The following POLN variants were observed in gnomAD, a reference collection of about 807,000 sequenced individuals.
POLN encodes the protein DNA polymerase N.
In POLN, 108 loss-of-function variants were observed where a neutral mutation model predicts 113.5. The observed-to-expected ratio is 0.95, with a 90% CI of 0.81 to 1.12. POLN has a LOEUF of 1.12. POLN is among the 50% of genes most tolerant of loss of function. The pLI is 0.00. For synonymous variants in POLN, 386 were observed against 391.5 expected (o/e 0.99, Z 0.17); for missense variants, 1,097 against 1,077.1 (o/e 1.02, Z -0.26).
At chr4:2,122,839 T>C (rs1450542842) in intron 19 of POLN, among the ~76,000 whole-genome samples, 1 of 152,114 alleles carries the variant, frequency 6.6e-6, no homozygotes, top group East Asian at 1.9e-4. Flanking sequence ...AGGAGAAATT[T>C]AAATGTATGT....
intron 7 of POLN, among the ~76,000 whole-genome samples, chr4:2,188,593 T>C (rs1180034300): frequency 2.0e-5 from 3 of 150,042 alleles, no homozygotes; most frequent in Non-Finnish European, 4.4e-5. Context: ...AGAAGGAGAC[T>C]CCATCTCAAA....
chr4:2,103,974 T>C (rs1465814655), intron 19 of POLN, among the ~76,000 whole-genome samples: 2 of 151,848 alleles, frequency 1.3e-5, no homozygotes, highest in African/African-American at 4.8e-5. Context: ...CTCAAGGGAG[T>C]CCTAAACTTG....
rs549262410 is a variant in POLN at position 2,085,399 on chromosome 4, T to C, written c.2197+214A>G. On this transcript the variant is annotated intron_variant, in intron 21 of 25. Transcript: ENST00000511885. Reference sequence around the variant, plus strand: ...CCATCCACCATCTAGTCACTCAAGTTTGTTCACTGTGTTGCTTCAAGCCGC... The same window carrying C: ...CCATCCACCATCTAGTCACTCAAGTCTGTTCACTGTGTTGCTTCAAGCCGC... 1.1e-3 allele frequency among the ~76,000 whole-genome samples: 169 copies of C among 152,344 alleles called. 2 individuals are homozygous for C. Among genetic ancestry groups the C allele is most frequent in the South Asian group, 1.2e-3 (6 of 4,822 alleles).
chr4:2,187,050 C>T (rs1733293186), intron 7 of POLN, among the ~76,000 whole-genome samples: 1 of 151,762 alleles, frequency 6.6e-6, no homozygotes, highest in South Asian at 2.1e-4. Context: ...AGATAGACTA[C>T]TGGAAAAGAC....
At chr4:2,146,657 C>A (rs1413030038) in intron 16 of POLN, among the ~76,000 whole-genome samples, 1 of 152,016 alleles carries the variant, frequency 6.6e-6, no homozygotes, top group Non-Finnish European at 1.5e-5. Context: ...CAGATAGGGG[C>A]AGGGGGCTGA....
At chr4:2,228,244 CAA>C (rs199773336) in intron 3 of POLN, 181 of 56,408 alleles carry the variant, frequency 3.2e-3, no homozygotes, top group South Asian at 0.02. Flanking sequence ...TTGCTAGTAG[CAA>C]AAAAAAAAAA....
intron 16 of POLN, among the ~76,000 whole-genome samples, chr4:2,145,062 C>G (rs1287046486): frequency 6.6e-6 from 1 of 152,136 alleles, no homozygotes; most frequent in Non-Finnish European, 1.5e-5. Flanking sequence ...ATAACAATAG[C>G]TATAACAAAC....
intron 20 of POLN, among the ~76,000 whole-genome samples, chr4:2,094,312 G>A (rs144524152): frequency 7.0e-5 from 10 of 143,486 alleles, no homozygotes; most frequent in Middle Eastern, 3.9e-3. Flanking sequence ...GCAGTGAGCC[G>A]AGATTGTGCC....
Position 2,081,024 on chromosome 4 carries a change from T to C in POLN, c.2321A>G (p.Asp774Gly), listed in dbSNP as rs761514533. Reference sequence around the variant, plus strand: ...ATGGATCATGGCCAGCTTGCAGAGGTCAGCAGCGGAGCCTATGGGGCGCGT... The same window carrying C: ...ATGGATCATGGCCAGCTTGCAGAGGCCAGCAGCGGAGCCTATGGGGCGCGT... ...VNFVVQGSAA[D>G]LCKLAMIHVF... The change falls in exon 23 of 26, where the codon GAC becomes GGC. Residue 774 changes from aspartate to glycine, a missense_variant. Asp to Gly is a moderately conservative substitution (Grantham distance 94). Coordinates refer to ENST00000511885, the MANE Select transcript of POLN (RefSeq NM_181808.4). 1.2e-6 allele frequency: 2 copies of C among 1,613,632 alleles called. No homozygotes were observed. Among genetic ancestry groups the C allele is most frequent in the Non-Finnish European group, 1.7e-6 (2 of 1,179,918 alleles).
intron 19 of POLN, among the ~76,000 whole-genome samples, chr4:2,097,912 T>A (rs1396986464): frequency 2.6e-5 from 4 of 152,266 alleles, no homozygotes; most frequent in Non-Finnish European, 4.4e-5. Flanking sequence ...GATTTTTCAA[T>A]GTTTCTTTGG....
At chr4:2,176,178 C>T in intron 9 of POLN, 88 bp downstream of exon 9, 2 of 1,047,438 alleles carry the variant, frequency 1.9e-6, no homozygotes, top group African/African-American at 1.6e-5. Flanking sequence ...GTTTCCTTCA[C>T]ATTCAAACTC....
At chr4:2,200,622 T>C (rs1733687456) in intron 5 of POLN, among the ~76,000 whole-genome samples, 1 of 152,090 alleles carries the variant, frequency 6.6e-6, no homozygotes, top group African/African-American at 2.4e-5. Context: ...ATAACAATCA[T>C]TACAGCTCAG....
At chr4:2,214,910 T>C (rs1734075398) in intron 3 of POLN, among the ~76,000 whole-genome samples, 1 of 151,738 alleles carries the variant, frequency 6.6e-6, no homozygotes, top group South Asian at 2.1e-4. Context: ...TATATGTATA[T>C]ACATATACAT....
At chr4:2,132,669 C>A (rs1187493446) in intron 16 of POLN, among the ~76,000 whole-genome samples, 2 of 152,308 alleles carry the variant, frequency 1.3e-5, no homozygotes, top group Non-Finnish European at 2.9e-5. Context: ...AGGGACCATG[C>A]AGACCAGAAG....
At chr4:2,169,197 GC>G (rs1448110387) in intron 13 of POLN, among the ~76,000 whole-genome samples, 1 of 152,194 alleles carries the variant, frequency 6.6e-6, no homozygotes, top group African/African-American at 2.4e-5. Context: ...CAGAGCACGG[GC>G]CTGGGGATAC....
rs1732926942 is a variant in POLN at position 2,173,823 on chromosome 4, G to C, written c.1374+132C>G. 5 of 869,462 alleles carry C rather than the reference G, an allele frequency of 5.8e-6. No homozygotes were observed. In the Admixed American group the frequency reaches 1.0e-4, roughly 17 times the overall value. The allele number at this position is 869,462 out of a possible 1,614,324, so 53.9% of individuals were successfully genotyped here. On this transcript the variant is annotated intron_variant, in intron 11 of 25. Transcript: ENST00000511885. ...GGTTCTCCCCTGCAGGCGTCAGAAA[G>C]AGGGAGAAACACTGTCAACACCAAA...
Position 2,213,134 on chromosome 4 carries a change from AAAC to A in POLN, c.134-11_134-9del. On this transcript the variant is annotated splice_polypyrimidine_tract_variant and intron_variant, in intron 3 of 25. Transcript: ENST00000511885. The stretch of plus-strand genomic sequence containing the variant: ...TGTTTATCACTTCCATAGCTTTTAA[AAAC>A]AACAAAAAAGAAACATGGGGCATTA... The A allele has an allele frequency of 6.4e-7, 1 of 1,568,498 alleles. No individual in the cohort carries two copies. Among genetic ancestry groups the A allele is most frequent in the South Asian group, 1.2e-5 (1 of 84,292 alleles).
At chr4:2,220,273 C>G (rs1734223910) in intron 3 of POLN, among the ~76,000 whole-genome samples, 1 of 152,188 alleles carries the variant, frequency 6.6e-6, no homozygotes, top group Non-Finnish European at 1.5e-5. Flanking sequence ...CTTCTTGCTC[C>G]TGCAGCTCTT....
At chr4:2,099,156 A>T (rs1730866185) in intron 19 of POLN, among the ~76,000 whole-genome samples, 1 of 152,268 alleles carries the variant, frequency 6.6e-6, no homozygotes, top group African/African-American at 2.4e-5. Context: ...GAAGAAATCC[A>T]AATAATGTAT....
Sources: allele counts gnomAD v4.1 joint callset (sites outside exome capture counted in the v4.1 genomes callset), GRCh38; gene constraint gnomAD v4.1.1; transcripts MANE v1.5; gene names NCBI Gene and HGNC (gene_info 2026-07-23, HGNC 2026-07-21).